Variants in EXT2 observed in about 807,000 individuals in gnomAD.
EXT2 encodes exostosin glycosyltransferase 2, also known as exostosin-2.
Under a neutral mutation model 81.6 loss-of-function variants are expected in EXT2, and 53 were observed. That is an observed-to-expected ratio of 0.65 (90% CI 0.52 to 0.82). EXT2 has a LOEUF of 0.82. EXT2 is among the 40% of genes least tolerant of loss of function. The pLI, the probability that EXT2 is intolerant of heterozygous loss-of-function variation, is 0.00. For synonymous variants in EXT2, 320 were observed against 340.0 expected, an observed-to-expected ratio of 0.94 and a Z score of 0.65; for missense variants, 774 against 910.2, an observed-to-expected ratio of 0.85 and a Z score of 1.93.
chr11:44,132,309 A>C (rs1954504865), intron 7 of EXT2, among the ~76,000 whole-genome samples: 2 of 152,194 alleles, frequency 1.3e-5, no homozygotes, highest in African/African-American at 4.8e-5. Context: ...CACAGGTCTG[A>C]GATAAGCTTG....
Position 44,109,133 on chromosome 11 carries a change from CT to C in EXT2, c.537-60del, listed in dbSNP as rs113261338. ...ATCCTTGATAGTTGTTGTCTAGTAACTGACTCTTGTCTTTTCATAGTTGACA... is the reference window on the plus strand; with the variant it reads ...ATCCTTGATAGTTGTTGTCTAGTAACGACTCTTGTCTTTTCATAGTTGACA... On this transcript the variant is annotated intron_variant, in intron 2 of 13. Coordinates refer to ENST00000533608, the MANE Select transcript of EXT2 (RefSeq NM_207122.2). The C allele has an allele frequency of 6.7e-5, 105 of 1,572,668 alleles. No homozygotes were observed. The African/African-American group carries it at 1.1e-3, about 17-fold the overall frequency.
At chr11:44,119,038 C>G (rs1004976045) in intron 4 of EXT2, among the ~76,000 whole-genome samples, 1 of 147,478 alleles carries the variant, frequency 6.8e-6, no homozygotes, top group Non-Finnish European at 1.5e-5. Flanking sequence ...TTATTGAAAG[C>G]CTGTTTGGAC....
intron 8 of EXT2, among the ~76,000 whole-genome samples, chr11:44,178,119 G>T (rs542723202): frequency 3.9e-5 from 6 of 152,340 alleles, no homozygotes; most frequent in Non-Finnish European, 7.3e-5. Flanking sequence ...CACCCAGGGG[G>T]ATCAGAAATC....
chr11:44,157,688 A>G (rs1333212978), intron 7 of EXT2, among the ~76,000 whole-genome samples: 2 of 152,074 alleles, frequency 1.3e-5, no homozygotes, highest in Non-Finnish European at 2.9e-5. Flanking sequence ...GCCTGGGATA[A>G]GACCCCAAAG....
At chr11:44,238,829 A>C (rs546863365) in intron 13 of EXT2, among the ~76,000 whole-genome samples, 1 of 152,206 alleles carries the variant, frequency 6.6e-6, no homozygotes, top group East Asian at 1.9e-4. Flanking sequence ...GTTCAACAAG[A>C]AGAAGCCCAA....
intron 4 of EXT2, among the ~76,000 whole-genome samples, chr11:44,123,379 G>C (rs773862900): frequency 6.6e-6 from 1 of 152,222 alleles, no homozygotes; most frequent in Non-Finnish European, 1.5e-5. Context: ...CGTAGCCCTA[G>C]TATTTTCCCT....
chr11:44,238,467 A>G (rs536732927), intron 13 of EXT2, among the ~76,000 whole-genome samples: 1 of 152,252 alleles, frequency 6.6e-6, no homozygotes, highest in South Asian at 2.1e-4. Flanking sequence ...TAGGCATGAT[A>G]GGATATGTTA....
intron 1 of EXT2, among the ~76,000 whole-genome samples, chr11:44,099,366 T>C (rs930286877): frequency 3.9e-5 from 6 of 152,188 alleles, no homozygotes; most frequent in Non-Finnish European, 5.9e-5. Context: ...TTTGTGTTTT[T>C]AGTAGAGATG....
intron 3 of EXT2, among the ~76,000 whole-genome samples, chr11:44,113,710 C>T (rs1954178214): frequency 6.6e-6 from 1 of 152,070 alleles, no homozygotes; most frequent in Non-Finnish European, 1.5e-5. Context: ...GGGGTGTAAG[C>T]GATGTGAAAT....
intron 10 of EXT2, among the ~76,000 whole-genome samples, chr11:44,216,727 T>TA (rs1955724478): frequency 6.6e-6 from 1 of 151,844 alleles, no homozygotes; most frequent in South Asian, 2.1e-4. Flanking sequence ...TAAAGGAACA[T>TA]AAAGCAGTGA....
chr11:44,172,394 C>T (rs1955088770), intron 8 of EXT2, among the ~76,000 whole-genome samples: 1 of 152,140 alleles, frequency 6.6e-6, no homozygotes. Flanking sequence ...GCTTCTTTCT[C>T]ACTGAAAATG....
In EXT2 at chr11:44,197,919, G is replaced by A. The variant is rs775852919; in HGVS notation, c.1396G>A (p.Val466Ile). Residue 466 changes from valine (V) to isoleucine (I), a missense_variant, in exon 9 of 14, where the codon GTA becomes ATA. Transcript: ENST00000533608. ...FTAIVLTYDR[V>I]ESLFRVITEV... Reference sequence around the variant, plus strand: ...CGCCATAGTCCTCACCTACGACCGAGTAGAGAGCCTCTTCCGGGTCATCAC... The same window carrying A: ...CGCCATAGTCCTCACCTACGACCGAATAGAGAGCCTCTTCCGGGTCATCAC... 1.2e-6 allele frequency: 2 copies of A among 1,614,064 alleles called. No individual in the cohort carries two copies. The highest frequency in any genetic ancestry group is 2.2e-5 in the South Asian group (2 of 91,080).
intron 12 of EXT2, among the ~76,000 whole-genome samples, chr11:44,235,954 A>T (rs1955958292): frequency 6.6e-6 from 1 of 152,220 alleles, no homozygotes; most frequent in Admixed American, 6.5e-5. Context: ...GCTGTATTTC[A>T]TCGCCCTTAT....
rs141309703 is a variant in EXT2, at chr11:44,157,556, C to T, written c.1174-14055C>T. ...GCCTGGCCACTGGCTGATGTTCAGT[C>T]AAGGCTCAAGGGCTCTTCAGTCGGC... On this transcript the variant is annotated intron_variant, in intron 7 of 13. Transcript: ENST00000533608. Among the ~76,000 whole-genome samples, 15 of 152,256 alleles carry T rather than the reference C, an allele frequency of 9.9e-5. No individual in the cohort carries two copies. In the South Asian group the frequency reaches 1.0e-3, roughly 11 times the overall value.
At chr11:44,193,422 T>C (rs1955417459) in intron 8 of EXT2, among the ~76,000 whole-genome samples, 1 of 152,234 alleles carries the variant, frequency 6.6e-6, no homozygotes, top group Non-Finnish European at 1.5e-5. Flanking sequence ...TATTACCTCA[T>C]TTATGCTAAG....
intron 8 of EXT2, among the ~76,000 whole-genome samples, chr11:44,173,113 G>A (rs1470622812): frequency 6.6e-6 from 1 of 152,202 alleles, no homozygotes; most frequent in Non-Finnish European, 1.5e-5. Flanking sequence ...TGCTGTGAAT[G>A]TAGAGGTCCT....
chr11:44,236,296 A>ATTT lies in EXT2; in HGVS notation c.1939_1940insTTT (p.Thr647delinsIleSer). 1 of 1,614,058 alleles carries ATTT rather than the reference A, an allele frequency of 6.2e-7. No individual in the cohort carries two copies. The highest frequency in any genetic ancestry group is 8.5e-7 in the Non-Finnish European group (1 of 1,179,988). On this transcript the variant is annotated protein_altering_variant, in exon 13 of 14. Transcript: ENST00000533608. The stretch of plus-strand genomic sequence containing the variant: ...TGTTTTTGTCCTCCTCTGGCAGGTA[A>ATTT]CCCCACGAAAGAAATTCAAGTGTCC...
At chr11:44,099,063 G>A (rs7105476) in intron 1 of EXT2, among the ~76,000 whole-genome samples, 9,403 of 152,120 alleles carry the variant, frequency 0.062, 753 homozygotes, top group East Asian at 0.28. Context: ...GTACAGTGAC[G>A]CAGTCATGGC....
chr11:44,236,820 G>A (rs1955970841), intron 13 of EXT2, among the ~76,000 whole-genome samples: 1 of 152,164 alleles, frequency 6.6e-6, no homozygotes, highest in African/African-American at 2.4e-5. Context: ...GCCAAGAACA[G>A]GATCGAAAGC....
Sources: gnomAD v4.1 joint callset for allele counts (sites outside exome capture counted in the v4.1 genomes callset) on GRCh38, gnomAD v4.1.1 for gene constraint, MANE v1.5 for transcripts, NCBI Gene and HGNC (gene_info 2026-07-23, HGNC 2026-07-21) for gene names.